The following UBE2E2 variants were observed in gnomAD, a reference collection of about 807,000 sequenced individuals.
UBE2E2 encodes the protein ubiquitin conjugating enzyme E2 E2, also known as ubiquitin-conjugating enzyme E2 E2.
UBE2E2 carries 6 observed loss-of-function variants against 24.7 expected under a neutral mutation model. The ratio of observed to expected loss-of-function variants is 0.24; its 90% CI spans 0.13 to 0.48. The LOEUF (loss-of-function observed/expected upper bound fraction) is 0.48, where lower values mean the gene tolerates loss of function less well. Among genes scored for constraint, UBE2E2 ranks in the 20% least tolerant of loss-of-function variants. The pLI is 0.99. For synonymous variants in UBE2E2, 104 were observed against 83.6 expected (o/e 1.24, Z -1.33); for missense variants, 169 against 245.0 (o/e 0.69, Z 2.07).
At chr3:23,307,644 GAA>G (rs1237056974) in intron 3 of UBE2E2, among the ~76,000 whole-genome samples, 1 of 152,046 alleles carries the variant, frequency 6.6e-6, no homozygotes, top group East Asian at 1.9e-4. Context: ...GATAGCTTAA[GAA>G]AATGTTTTAG....
chr3:23,484,168 A>G (rs1185773263), intron 3 of UBE2E2, among the ~76,000 whole-genome samples: 4 of 152,284 alleles, frequency 2.6e-5, no homozygotes, highest in Middle Eastern at 3.4e-3. Flanking sequence ...GCCTTTTTCC[A>G]TGAAGTGCCT....
chr3:23,582,515 C>A (rs1575723260), intron 5 of UBE2E2, among the ~76,000 whole-genome samples: 1 of 152,228 alleles, frequency 6.6e-6, no homozygotes, highest in South Asian at 2.1e-4. Flanking sequence ...GCTTTACACT[C>A]CCACCAGCAG....
intron 3 of UBE2E2, among the ~76,000 whole-genome samples, chr3:23,300,238 A>G (rs922991608): frequency 7.9e-5 from 12 of 151,994 alleles, no homozygotes; most frequent in African/African-American, 2.2e-4. Context: ...TCTTTATCCA[A>G]TTTGCCAGTC....
chr3:23,451,961 C>G (rs1698570434), intron 3 of UBE2E2, among the ~76,000 whole-genome samples: 1 of 152,032 alleles, frequency 6.6e-6, no homozygotes. Context: ...TACCATCAAC[C>G]TGTTAATGTT....
chr3:23,449,305 T>A (rs908082493), intron 3 of UBE2E2, among the ~76,000 whole-genome samples: 5 of 152,224 alleles, frequency 3.3e-5, no homozygotes, highest in African/African-American at 9.6e-5. Context: ...TTCTTAAAAA[T>A]TTTTTGGAGA....
At chr3:23,294,849 A>G (rs960537674) in intron 3 of UBE2E2, among the ~76,000 whole-genome samples, 1 of 124,998 alleles carries the variant, frequency 8.0e-6, no homozygotes, top group African/African-American at 3.1e-5. Flanking sequence ...GTCTGTTCAG[A>G]TTTGTTATGA....
At chr3:23,546,249 T>C (rs1015790138) in intron 5 of UBE2E2, among the ~76,000 whole-genome samples, 1 of 152,222 alleles carries the variant, frequency 6.6e-6, no homozygotes, top group Non-Finnish European at 1.5e-5. Context: ...AGTTTATGTT[T>C]AGAAGACTTC....
At chr3:23,286,609 C>G (rs1287410183) in intron 3 of UBE2E2, among the ~76,000 whole-genome samples, 1 of 152,060 alleles carries the variant, frequency 6.6e-6, no homozygotes, top group African/African-American at 2.4e-5. Flanking sequence ...GTTGCTTTTG[C>G]TTAGAATAGC....
intron 3 of UBE2E2, among the ~76,000 whole-genome samples, chr3:23,256,376 C>G (rs1008145970): frequency 6.6e-6 from 1 of 152,134 alleles, no homozygotes; most frequent in African/African-American, 2.4e-5. Flanking sequence ...ATTTATAGAA[C>G]TGTTTTTATT....
chr3:23,412,506 C>T (rs1237835325), intron 3 of UBE2E2, among the ~76,000 whole-genome samples: 1 of 152,126 alleles, frequency 6.6e-6, no homozygotes, highest in Non-Finnish European at 1.5e-5. Context: ...TAGAGGTAGG[C>T]TGCTAGTAGA....
intron 3 of UBE2E2, among the ~76,000 whole-genome samples, chr3:23,330,330 T>G (rs1695025892): frequency 6.6e-6 from 1 of 152,208 alleles, no homozygotes; most frequent in Non-Finnish European, 1.5e-5. Flanking sequence ...AAATAAAGAC[T>G]TTGAAAGAGC....
chr3:23,545,704 C>G (rs190283893), intron 5 of UBE2E2, among the ~76,000 whole-genome samples: 1 of 152,128 alleles, frequency 6.6e-6, no homozygotes, highest in African/African-American at 2.4e-5. Context: ...CAAAAAGACA[C>G]CTGCACATAT....
At chr3:23,225,220 A>T (rs1464667071) in intron 3 of UBE2E2, among the ~76,000 whole-genome samples, 1 of 149,576 alleles carries the variant, frequency 6.7e-6, no homozygotes, top group Non-Finnish European at 1.5e-5. Flanking sequence ...ATAATTTGCA[A>T]CTATCTTCCT....
At chr3:23,239,221 A>T (rs1027622731) in intron 3 of UBE2E2, among the ~76,000 whole-genome samples, 2 of 152,200 alleles carry the variant, frequency 1.3e-5, no homozygotes, top group Non-Finnish European at 2.9e-5. Flanking sequence ...TTATCGAGGT[A>T]ATAGGACTCT....
In UBE2E2 at chr3:23,519,009, C is replaced by G. The variant is rs116751558; in HGVS notation, c.361-13545C>G. Among the ~76,000 whole-genome samples, 1,194 of 152,316 alleles carry G rather than the reference C, an allele frequency of 7.8e-3. 4 individuals carry two copies. The highest frequency in any genetic ancestry group is 0.017 in the Middle Eastern group (5 of 294). On this transcript the variant is annotated intron_variant, in intron 4 of 5. Coordinates refer to ENST00000396703, the MANE Select transcript of UBE2E2 (RefSeq NM_152653.4). Reference sequence around the variant, plus strand: ...CCTGTTCCAAATCCCTAAAACACCTCTTTCATCATGGCATTCTCCTAAACT... The same window carrying G: ...CCTGTTCCAAATCCCTAAAACACCTGTTTCATCATGGCATTCTCCTAAACT...
In UBE2E2 at chr3:23,570,901, A is replaced by G. The variant is rs140199726; in HGVS notation, c.509-18833A>G. Among the ~76,000 whole-genome samples, 226 of 152,296 alleles carry G rather than the reference A, an allele frequency of 1.5e-3. 4 individuals are homozygous for G. The East Asian group carries it at 0.035, about 24-fold the overall frequency. On this transcript the variant is annotated intron_variant, in intron 5 of 5. Transcript: ENST00000396703. ...TGATAGACTTTTAAGTTTAATCTGC[A>G]TTATTAGCATCTTCTTTATCACTTC... is the stretch of plus-strand genomic sequence containing the variant.
At chr3:23,527,111 C>A (rs1695015948) in intron 4 of UBE2E2, among the ~76,000 whole-genome samples, 1 of 152,104 alleles carries the variant, frequency 6.6e-6, no homozygotes, top group African/African-American at 2.4e-5. Flanking sequence ...TAAAACCACA[C>A]TGAGGTATCA....
intron 3 of UBE2E2, among the ~76,000 whole-genome samples, chr3:23,268,435 G>T (rs1698121309): frequency 6.6e-6 from 1 of 152,028 alleles, no homozygotes; most frequent in African/African-American, 2.4e-5. Flanking sequence ...CAAATCATGA[G>T]TGAACTCCCA....
chr3:23,377,351 A>G (rs1248214417), intron 3 of UBE2E2, among the ~76,000 whole-genome samples: 1 of 152,196 alleles, frequency 6.6e-6, no homozygotes, highest in Non-Finnish European at 1.5e-5. Flanking sequence ...GCTCACTGTA[A>G]TAGTAATTTT....
Sources: allele counts gnomAD v4.1 joint callset (sites outside exome capture counted in the v4.1 genomes callset), GRCh38; gene constraint gnomAD v4.1.1; transcripts MANE v1.5; gene names NCBI Gene and HGNC (gene_info 2026-07-23, HGNC 2026-07-21).